CDC6: variants seen among roughly 807,000 people sequenced by gnomAD.
The protein encoded by CDC6 is DNA replication factor CDC6.
In CDC6, 46 loss-of-function variants were observed where a neutral mutation model predicts 60.2. The ratio of observed to expected loss-of-function variants is 0.76; its 90% CI spans 0.60 to 0.98. The LOEUF (loss-of-function observed/expected upper bound fraction) is 0.98, where lower values mean the gene tolerates loss of function less well. Ranked by LOEUF, CDC6 falls within the 50% of genes least tolerant of loss-of-function variation. The pLI, the probability that CDC6 is intolerant of heterozygous loss-of-function variation, is 0.00. For synonymous variants in CDC6, 210 were observed against 233.2 expected (o/e 0.90, Z 0.90); for missense variants, 596 against 652.9 (o/e 0.91, Z 0.95).
rs928087696 is a variant in CDC6, at chr17:40,302,417, C to T, written c.*416C>T. 18 of 222,026 alleles carry T rather than the reference C, an allele frequency of 8.1e-5. No individual in the cohort carries two copies. Among genetic ancestry groups the T allele is most frequent in the Non-Finnish European group, 1.3e-4 (14 of 110,930 alleles). 13.8% of individuals were successfully genotyped at this position (222,026 alleles called of 1,614,324 possible). On this transcript the variant is annotated 3_prime_UTR_variant, in exon 12 of 12. Coordinates refer to ENST00000209728, the MANE Select transcript of CDC6 (RefSeq NM_001254.4). ...TTGCCCAGGCTGGAGTGCAATGGCG[C>T]GTTCTCTGCTCACTACAGCACCCGC...
In CDC6 at chr17:40,291,193, A is replaced by C. The variant is rs1328037819; in HGVS notation, c.314A>C (p.Lys105Thr). ...RLVFDNQLTI[K>T]SPSKRELAKV... ...GTATTTGACAATCAGCTGACAATTA[A>C]GTCTCCTAGCAAAAGAGAACTAGCC... The change falls in exon 3 of 12, where the codon AAG becomes ACG. Residue 105 changes from lysine (K) to threonine (T), a missense_variant. Physicochemically the swap from Lys to Thr is moderately conservative, Grantham distance 78. Coordinates refer to ENST00000209728, the MANE Select transcript of CDC6 (RefSeq NM_001254.4). 6.2e-7 allele frequency: 1 copy of C among 1,614,232 alleles called. No individual in the cohort carries two copies. Among genetic ancestry groups the C allele is most frequent in the Non-Finnish European group, 8.5e-7 (1 of 1,180,036 alleles).
At position 40,291,606 on chromosome 17, in the gene CDC6, C is replaced by G; in HGVS notation, c.598C>G (p.Leu200Val). The G allele has an allele frequency of 6.2e-7, 1 of 1,614,246 alleles. No homozygotes were observed. The highest frequency in any genetic ancestry group is 8.5e-7 in the Non-Finnish European group (1 of 1,180,042). ...TGGGAAAAAAGCTGGAAGCCTTTAC[C>G]TTTCTGGTGCTCCTGGAACTGGAAA... Reference protein sequence around the residue: ...ICGKKAGSLYLSGAPGTGKTA... With the variant: ...ICGKKAGSLYVSGAPGTGKTA... Residue 200 changes from leucine to valine, a missense_variant, in exon 4 of 12, where the codon CTT becomes GTT. Transcript: ENST00000209728.
At chr17:40,288,523 A>T (rs1407200068) in intron 1 of CDC6, among the ~76,000 whole-genome samples, 1 of 149,656 alleles carries the variant, frequency 6.7e-6, no homozygotes, top group Non-Finnish European at 1.5e-5. Flanking sequence ...GGTTCAAGCC[A>T]TTCTCCTGCC....
rs4135023 is a variant in CDC6 at position 40,297,427 on chromosome 17, A to G, written c.1249+660A>G. Among the ~76,000 whole-genome samples, 6 of 152,310 alleles carry G rather than the reference A, an allele frequency of 3.9e-5. No individual in the cohort carries two copies. In the South Asian group the frequency reaches 1.0e-3, roughly 26 times the overall value. On this transcript the variant is annotated intron_variant, in intron 9 of 11. Transcript: ENST00000209728. ...CTCACTCATAAGTGGGAGTTGAACAATGAGAACACATGGACACAGGGAGGG... is the reference window on the plus strand; with the variant it reads ...CTCACTCATAAGTGGGAGTTGAACAGTGAGAACACATGGACACAGGGAGGG...
Position 40,290,932 on chromosome 17 carries a change from G to A in CDC6, c.179-126G>A. On this transcript the variant is annotated intron_variant, in intron 2 of 11. Transcript: ENST00000209728. ...CCAATATTTGCTGCTAAGTGAGAAG[G>A]CATTTTATTTTGGTGGTTCTGACTA... 3 of 930,686 alleles carry A rather than the reference G, an allele frequency of 3.2e-6. No homozygotes were observed. In the South Asian group the frequency reaches 4.0e-5, roughly 12 times the overall value. The allele number at this position is 930,686 out of a possible 1,614,324, so 57.7% of individuals were successfully genotyped here. A position where few individuals can be genotyped will look rare whatever the true frequency, so the allele number is the denominator to read the frequency against.
chr17:40,294,389 A>C lies in CDC6; in HGVS notation c.969A>C (p.Thr323=), dbSNP rs2032826976. 6.2e-7 allele frequency: 1 copy of C among 1,609,942 alleles called. No homozygotes were observed. The highest frequency in any genetic ancestry group is 1.7e-5 in the Admixed American group (1 of 60,018). The change falls in exon 7 of 12, where the codon ACA becomes ACC. Residue 323 remains threonine (T), a synonymous_variant. Coordinates refer to ENST00000209728, the MANE Select transcript of CDC6 (RefSeq NM_001254.4). ...GTATTGCTAATACCCTGGATCTCACAGATAGAATTCTACCTAGGCTTCAAG... is the reference window on the plus strand; with the variant it reads ...GTATTGCTAATACCCTGGATCTCACCGATAGAATTCTACCTAGGCTTCAAG... ...LIGIANTLDL[T]DRILPRLQAR...
Position 40,291,491 on chromosome 17 carries a change from GC to G in CDC6, c.484del (p.Leu162TrpfsTer3). On this transcript the variant is annotated frameshift_variant, in exon 4 of 12. Coordinates refer to ENST00000209728, the MANE Select transcript of CDC6 (RefSeq NM_001254.4). LOFTEE classifies it high-confidence loss of function. ...CAGGCACTTGCTACCAGCAAGCAAA[GC>G]TGGTCCTGAACACAGCTGTCCCAGA... ...QEGTCYQQAK[L>X]VLNTAVPDRL... The G allele has an allele frequency of 6.2e-7, 1 of 1,614,232 alleles. No homozygotes were observed. The highest frequency in any genetic ancestry group is 8.5e-7 in the Non-Finnish European group (1 of 1,180,042).
In CDC6 at chr17:40,302,991, C is replaced by G. The variant is rs2032961214; in HGVS notation, c.*990C>G. ...CAGAAGTCAATGTGAAAATTCCTTC[C>G]TAGGCTGTCCCACAGTCTTTGCTGC... is the stretch of plus-strand genomic sequence containing the variant. On this transcript the variant is annotated 3_prime_UTR_variant, in exon 12 of 12. Coordinates refer to ENST00000209728, the MANE Select transcript of CDC6 (RefSeq NM_001254.4). 6.6e-6 allele frequency: 1 copy of G among 152,112 alleles called. No homozygotes were observed. Among genetic ancestry groups the G allele is most frequent in the African/African-American group, 2.4e-5 (1 of 41,444 alleles). 9.4% of individuals were successfully genotyped at this position (152,112 alleles called of 1,614,324 possible).
chr17:40,290,312 A>G (rs2077464), intron 2 of CDC6, among the ~76,000 whole-genome samples: 36,427 of 152,014 alleles, frequency 0.24, 6,268 homozygotes, highest in African/African-American at 0.49. Flanking sequence ...TGGAACATTT[A>G]TTTTTAAATG....
chr17:40,301,084 A>G (rs536408905), intron 10 of CDC6, 54 bp downstream of exon 10: 72 of 1,270,900 alleles, frequency 5.7e-5, no homozygotes, highest in Non-Finnish European at 7.7e-5. Flanking sequence ...TCTGCTTTGC[A>G]GAGCAGGTAT....
rs1017641154 is a variant in CDC6 at position 40,304,414 on chromosome 17, T to G, written c.*2413T>G. On this transcript the variant is annotated 3_prime_UTR_variant, in exon 12 of 12. Transcript: ENST00000209728. ...GAGAGCTTCAGGAAGGTGGTAGGAG[T>G]TTTAGTGGGATGGGATGGGATGGGC... is the stretch of plus-strand genomic sequence containing the variant. The G allele has an allele frequency of 5.9e-5, 9 of 151,914 alleles. No homozygotes were observed. The highest frequency in any genetic ancestry group is 1.9e-4 in the African/African-American group (8 of 41,324). The allele number at this position is 151,914 out of a possible 1,614,324, so 9.4% of individuals were successfully genotyped here.
Position 40,302,249 on chromosome 17 carries a change from A to G in CDC6, c.*248A>G. On this transcript the variant is annotated 3_prime_UTR_variant, in exon 12 of 12. Coordinates refer to ENST00000209728, the MANE Select transcript of CDC6 (RefSeq NM_001254.4). Reference sequence around the variant, plus strand: ...CATTCACTACTTCTACCACTTGTGTATCTCTAGCCAATGTGCTTGCAAGTG... The same window carrying G: ...CATTCACTACTTCTACCACTTGTGTGTCTCTAGCCAATGTGCTTGCAAGTG... The G allele has an allele frequency of 2.0e-6, 1 of 507,982 alleles. No individual in the cohort carries two copies. Among genetic ancestry groups the G allele is most frequent in the East Asian group, 3.6e-5 (1 of 27,812 alleles). 31.5% of individuals were successfully genotyped at this position (507,982 alleles called of 1,614,324 possible).
chr17:40,296,104 G>A (rs2032855478), intron 8 of CDC6, among the ~76,000 whole-genome samples: 1 of 152,170 alleles, frequency 6.6e-6, no homozygotes, highest in South Asian at 2.1e-4. Context: ...AGCAGTGGGA[G>A]AGTAAGCTCT....
rs2032934325 is a variant in CDC6, at chr17:40,301,112, A to G, written c.1452+82A>G. The G allele has an allele frequency of 6.4e-6, 6 of 931,234 alleles. No homozygotes were observed. In the South Asian group the frequency reaches 6.5e-5, roughly 10 times the overall value. The allele number at this position is 931,234 out of a possible 1,614,324, so 57.7% of individuals were successfully genotyped here. On this transcript the variant is annotated intron_variant, in intron 10 of 11. Coordinates refer to ENST00000209728, the MANE Select transcript of CDC6 (RefSeq NM_001254.4). Reference sequence around the variant, plus strand: ...GCAGGTATTTTCCAAAAGGCCTATGATACTTCAGCTGATAATAAATTTAAA... The same window carrying G: ...GCAGGTATTTTCCAAAAGGCCTATGGTACTTCAGCTGATAATAAATTTAAA...
At position 40,301,016 on chromosome 17, in the gene CDC6, G is replaced by A; in HGVS notation, c.1438G>A (p.Val480Ile). 1.2e-6 allele frequency: 2 copies of A among 1,612,438 alleles called. No homozygotes were observed. The highest frequency in any genetic ancestry group is 1.7e-6 in the Non-Finnish European group (2 of 1,178,686). ...GATCAGGCAGTTGAAAATCAAAGAG[G>A]TCACTCTGGGGAAGGTAAGTTGGGA... is the stretch of plus-strand genomic sequence containing the variant. Reference protein sequence around the residue: ...LLIRQLKIKEVTLGKLYEAYS... With the variant: ...LLIRQLKIKEITLGKLYEAYS... The change falls in exon 10 of 12, where the codon GTC becomes ATC. Residue 480 changes from valine to isoleucine, a missense_variant. Coordinates refer to ENST00000209728, the MANE Select transcript of CDC6 (RefSeq NM_001254.4).
intron 7 of CDC6, 69 bp downstream of exon 7, chr17:40,294,572 G>A: frequency 6.8e-7 from 1 of 1,465,562 alleles, no homozygotes; most frequent in South Asian, 1.1e-5. Flanking sequence ...TTTAACAATA[G>A]TTCTAAAATA....
In CDC6 at chr17:40,303,520, TGG is replaced by T. The variant is rs2032965861; in HGVS notation, c.*1521_*1522del. On this transcript the variant is annotated 3_prime_UTR_variant, in exon 12 of 12. Coordinates refer to ENST00000209728, the MANE Select transcript of CDC6 (RefSeq NM_001254.4). ...GTGATCTGAGCTACAACAGGTGGTA[TGG>T]GATAGAGGCAAGGAAAGCAGAGAGA... The T allele has an allele frequency of 6.6e-6, 1 of 152,254 alleles. No individual in the cohort carries two copies. Among genetic ancestry groups the T allele is most frequent in the Non-Finnish European group, 1.5e-5 (1 of 68,060 alleles). 9.4% of individuals were successfully genotyped at this position (152,254 alleles called of 1,614,324 possible).
chr17:40,302,015 AC>A lies in CDC6; in HGVS notation c.*18del. The A allele has an allele frequency of 7.1e-7, 1 of 1,411,034 alleles. No individual in the cohort carries two copies. The highest frequency in any genetic ancestry group is 1.0e-6 in the Non-Finnish European group (1 of 994,620). 87.4% of individuals were successfully genotyped at this position (1,411,034 alleles called of 1,614,324 possible). On this transcript the variant is annotated 3_prime_UTR_variant, in exon 12 of 12. Coordinates refer to ENST00000209728, the MANE Select transcript of CDC6 (RefSeq NM_001254.4). ...GGATTGCCTTAAATTCTTCTCTTAC[AC>A]CCCACCCGAAAGTATTCAGCTGGCA...
At chr17:40,293,356 T>C (rs2032799087) in intron 4 of CDC6, 100 bp from the exon 5 acceptor site, 6 of 816,472 alleles carry the variant, frequency 7.3e-6, no homozygotes, top group Non-Finnish European at 1.3e-5. Flanking sequence ...AAAGTAGAGC[T>C]TCCTTACGTG....
Sources: allele counts gnomAD v4.1 joint callset (sites outside exome capture counted in the v4.1 genomes callset), GRCh38; gene constraint gnomAD v4.1.1; transcripts MANE v1.5; gene names NCBI Gene and HGNC (gene_info 2026-07-23, HGNC 2026-07-21).